Variants in AP1M1 observed in about 807,000 individuals in gnomAD.
The protein encoded by AP1M1 is AP-1 complex subunit mu-1.
Under a neutral mutation model 57.1 loss-of-function variants are expected in AP1M1, and 18 were observed. The observed-to-expected ratio is 0.32, with a 90% CI of 0.22 to 0.47. AP1M1 has a LOEUF of 0.47. AP1M1 is among the 20% of genes least tolerant of loss of function. The probability of loss-of-function intolerance (pLI) is 1.00; values close to 1 mark genes in which losing one functional copy is unlikely to be tolerated. For missense variants in AP1M1, 362 were observed against 593.5 expected (o/e 0.61, Z 4.05); for synonymous variants, 241 against 237.9 (o/e 1.01, Z -0.12).
At chr19:16,198,116 C>T in intron 1 of AP1M1, 48 bp downstream of exon 1, 1 of 1,587,836 alleles carries the variant, frequency 6.3e-7, no homozygotes, top group Middle Eastern at 2.1e-4. Flanking sequence ...CCGGCAGGGG[C>T]CTCCGCCCGC....
chr19:16,223,343 C>T (rs2091554311), intron 5 of AP1M1, among the ~76,000 whole-genome samples: 1 of 152,172 alleles, frequency 6.6e-6, no homozygotes, highest in South Asian at 2.1e-4. Flanking sequence ...CACAGATGCT[C>T]GATTCTAGAG....
In AP1M1 at chr19:16,207,176, G is replaced by A. The variant is rs2091472830; in HGVS notation, c.267+768G>A. ...GGGCTGTGGGGCTCACGAAAGTGGG[G>A]AACAGGACCCAGGAGGCCTGTGCTG... On this transcript the variant is annotated intron_variant, in intron 3 of 11. Transcript: ENST00000291439. This position sits in a 1 kb window ranked among gnomAD's most constrained non-coding sequence, Gnocchi z 4.2. 1.3e-5 allele frequency among the ~76,000 whole-genome samples: 2 copies of A among 152,200 alleles called. No individual in the cohort carries two copies. The highest frequency in any genetic ancestry group is 4.8e-5 in the African/African-American group (2 of 41,430).
chr19:16,208,230 G>C (rs2091478105), intron 4 of AP1M1, 81 bp downstream of exon 4: 2 of 1,457,990 alleles, frequency 1.4e-6, no homozygotes. Flanking sequence ...AAACAGAAGG[G>C]GCAAATTTGT....
chr19:16,233,638 C>T lies in AP1M1; in HGVS notation c.1173+20C>T, dbSNP rs777003658. 8 of 1,604,178 alleles carry T rather than the reference C, an allele frequency of 5.0e-6. No homozygotes were observed. The highest frequency in any genetic ancestry group is 1.7e-5 in the Admixed American group (1 of 58,620). ...ATCCAGGTACGTAAGGCCCAGGCGG[C>T]CGGGGCCCAGAACAGGGACAGAGGC... is the stretch of plus-strand genomic sequence containing the variant. On this transcript the variant is annotated intron_variant, in intron 10 of 11. Transcript: ENST00000291439.
At chr19:16,205,977 T>G (rs1324863096) in intron 2 of AP1M1, among the ~76,000 whole-genome samples, 1 of 152,120 alleles carries the variant, frequency 6.6e-6, no homozygotes, top group Non-Finnish European at 1.5e-5. Flanking sequence ...AGGTCAGCTT[T>G]GGAGGAGCAG....
In AP1M1 at chr19:16,203,440, TCTTC is replaced by T; in HGVS notation, c.43-13_43-10del. Reference sequence around the variant, plus strand: ...GAACTGAAAATGCAAGCATCTTTTCTCTTCCTTCCCCACCCCAGGTGCTCATCTG... The same window carrying T: ...GAACTGAAAATGCAAGCATCTTTTCTCTTCCCCACCCCAGGTGCTCATCTG... On this transcript the variant is annotated splice_polypyrimidine_tract_variant and intron_variant, in intron 1 of 11. Coordinates refer to ENST00000291439, the MANE Select transcript of AP1M1 (RefSeq NM_032493.4). This position sits in a 1 kb window ranked among gnomAD's most constrained non-coding sequence, Gnocchi z 4.6. 1 of 1,614,114 alleles carries T rather than the reference TCTTC, an allele frequency of 6.2e-7. No individual in the cohort carries two copies. Among genetic ancestry groups the T allele is most frequent in the African/African-American group, 1.3e-5 (1 of 75,034 alleles).
At position 16,197,958 on chromosome 19, in the gene AP1M1, C is replaced by G; in HGVS notation, c.-69C>G. 9.4e-7 allele frequency: 1 copy of G among 1,065,702 alleles called. No homozygotes were observed. The highest frequency in any genetic ancestry group is 1.2e-6 in the Non-Finnish European group (1 of 843,332). The allele number at this position is 1,065,702 out of a possible 1,614,324, so 66.0% of individuals were successfully genotyped here. A position where few individuals can be genotyped will look rare whatever the true frequency, so the allele number is the denominator to read the frequency against. On this transcript the variant is annotated 5_prime_UTR_variant, in exon 1 of 12. Coordinates refer to ENST00000291439, the MANE Select transcript of AP1M1 (RefSeq NM_032493.4). The stretch of plus-strand genomic sequence containing the variant: ...GGGCGGCGCCCGGCCTTGCTCAACG[C>G]CCAGCAGTCCCCACCGTCGCTGCCG...
intron 5 of AP1M1, among the ~76,000 whole-genome samples, chr19:16,220,943 T>G (rs1042698223): frequency 6.6e-6 from 1 of 152,228 alleles, no homozygotes; most frequent in Non-Finnish European, 1.5e-5. Flanking sequence ...TGATGTATTA[T>G]TGTCCTCTGG....
Position 16,228,302 on chromosome 19 carries a change from A to C in AP1M1, c.888+94A>C, listed in dbSNP as rs2145138002. ...GGGCTGGGGGTGCCGTAGGGCTGCC[A>C]TCCGTGCACCCTCACTGTGGCCTCA... On this transcript the variant is annotated intron_variant, in intron 8 of 11. Coordinates refer to ENST00000291439, the MANE Select transcript of AP1M1 (RefSeq NM_032493.4). The surrounding 1 kb of genome is among the most constrained non-coding windows in gnomAD (Gnocchi z 5.0). 2 of 1,279,530 alleles carry C rather than the reference A, an allele frequency of 1.6e-6. No individual in the cohort carries two copies. Among genetic ancestry groups the C allele is most frequent in the South Asian group, 2.5e-5 (2 of 81,076 alleles). 79.3% of individuals were successfully genotyped at this position (1,279,530 alleles called of 1,614,324 possible). A position where few individuals can be genotyped will look rare whatever the true frequency, so the allele number is the denominator to read the frequency against.
Position 16,244,878 on chromosome 19 carries a change from G to GTTTT in AP1M1, c.*10445_*10446insTTTT, listed in dbSNP as rs745760766. 8,951 of 57,590 alleles carry GTTTT rather than the reference G, an allele frequency of 0.16. 526 individuals are homozygous for GTTTT. The highest frequency in any genetic ancestry group is 0.54 in the East Asian group (1,658 of 3,060). 3.6% of individuals were successfully genotyped at this position (57,590 alleles called of 1,614,324 possible). On this transcript the variant is annotated 3_prime_UTR_variant, in exon 12 of 12. Transcript: ENST00000291439. ...TAAATAAATAACATGGATAAAATTTGTTGTTTGTTGTTGTTGTTGTTGTTG... is the reference window on the plus strand; with the variant it reads ...TAAATAAATAACATGGATAAAATTTGTTTTTTGTTTGTTGTTGTTGTTGTTGTTG...
chr19:16,206,399 G>T lies in AP1M1; in HGVS notation c.258G>T (p.Lys86Asn). ...CGCTGGTCTTTTCTTTCCTCTATAA[G>T]GTGGTGCAGGTGAGTCTCGCTCGGA... ...CVSLVFSFLY[K>N]VVQVFSEYFK... Residue 86 changes from lysine (K) to asparagine (N), a missense_variant, in exon 3 of 12, where the codon AAG (lysine) becomes AAT (asparagine). Around this residue, in one of 2 missense-constraint regions of AP1M1, gnomAD observed 337 missense variants for 511.1 expected, o/e 0.66. Transcript: ENST00000291439. This position sits in a 1 kb window ranked among gnomAD's most constrained non-coding sequence, Gnocchi z 4.3. 1 of 1,614,018 alleles carries T rather than the reference G, an allele frequency of 6.2e-7. No homozygotes were observed. The highest frequency in any genetic ancestry group is 8.5e-7 in the Non-Finnish European group (1 of 1,179,964).
At chr19:16,215,886 C>G (rs947455664) in intron 5 of AP1M1, among the ~76,000 whole-genome samples, 2 of 151,982 alleles carry the variant, frequency 1.3e-5, no homozygotes, top group Non-Finnish European at 2.9e-5. Context: ...TTTCTCTATT[C>G]TCATCTGACT....
At chr19:16,225,563 C>T (rs956827808) in intron 5 of AP1M1, among the ~76,000 whole-genome samples, 4 of 152,190 alleles carry the variant, frequency 2.6e-5, no homozygotes, top group Non-Finnish European at 4.4e-5. Flanking sequence ...ACCGTCGCCC[C>T]GGTGTGGATT....
In AP1M1 at chr19:16,243,245, TTTTTTTGTTTTTG is replaced by T. The variant is rs2091651517; in HGVS notation, c.*8816_*8828del. 1 of 111,088 alleles carries T rather than the reference TTTTTTTGTTTTTG, an allele frequency of 9.0e-6. No individual in the cohort carries two copies. The highest frequency in any genetic ancestry group is 3.2e-4 in the South Asian group (1 of 3,164). 6.9% of individuals were successfully genotyped at this position (111,088 alleles called of 1,614,324 possible). A position where few individuals can be genotyped will look rare whatever the true frequency, so the allele number is the denominator to read the frequency against. The stretch of plus-strand genomic sequence containing the variant: ...TAAAATATTTCCAAATATGAGAGGT[TTTTTTTGTTTTTG>T]TTTTTGTTTTTGTTTTTGTTTTTGT... On this transcript the variant is annotated 3_prime_UTR_variant, in exon 12 of 12. Coordinates refer to ENST00000291439, the MANE Select transcript of AP1M1 (RefSeq NM_032493.4).
At position 16,234,868 on chromosome 19, in the gene AP1M1, GT is replaced by G. The variant is rs2091618362; in HGVS notation, c.*436del. 4.0e-6 allele frequency: 1 copy of G among 248,444 alleles called. No homozygotes were observed. The highest frequency in any genetic ancestry group is 2.2e-5 in the African/African-American group (1 of 44,954). 15.4% of individuals were successfully genotyped at this position (248,444 alleles called of 1,614,324 possible). Reference sequence around the variant, plus strand: ...GTTGCCATTTTGTTGAACGTTATGGGTTTATGGGTGTTCCTGGAACTTGTCT... The same window carrying G: ...GTTGCCATTTTGTTGAACGTTATGGGTTATGGGTGTTCCTGGAACTTGTCT... On this transcript the variant is annotated 3_prime_UTR_variant, in exon 12 of 12. Transcript: ENST00000291439.
chr19:16,202,439 A>T (rs1022599541), intron 1 of AP1M1, among the ~76,000 whole-genome samples: 1 of 152,194 alleles, frequency 6.6e-6, no homozygotes, highest in African/African-American at 2.4e-5. Flanking sequence ...GTACAATTTG[A>T]TGAGCTCAGT....
At chr19:16,218,244 C>T (rs1359704778) in intron 5 of AP1M1, among the ~76,000 whole-genome samples, 1 of 152,240 alleles carries the variant, frequency 6.6e-6, no homozygotes, top group Non-Finnish European at 1.5e-5. Context: ...TTCTGTTTAT[C>T]ACCACCAGCT....
rs1366721851 is a variant in AP1M1 at position 16,203,304 on chromosome 19, G to A, written c.43-155G>A. ...CTCCAGGAATTCCCTGGGGGATGGA[G>A]ATCAGAACGGCCTCAAGTCCTGCTC... On this transcript the variant is annotated intron_variant, in intron 1 of 11. Transcript: ENST00000291439. This position sits in a 1 kb window ranked among gnomAD's most constrained non-coding sequence, Gnocchi z 4.6. Among the ~76,000 whole-genome samples, 2 of 152,234 alleles carry A rather than the reference G, an allele frequency of 1.3e-5. No homozygotes were observed. The highest frequency in any genetic ancestry group is 2.4e-5 in the African/African-American group (1 of 41,460).
chr19:16,197,975 T>TCGTTGCCGCCGCCACCGCCCTCGGC lies in AP1M1; in HGVS notation c.-50_-49insTTGCCGCCGCCACCGCCCTCGGCCG. 1 of 1,451,818 alleles carries TCGTTGCCGCCGCCACCGCCCTCGGC rather than the reference T, an allele frequency of 6.9e-7. No homozygotes were observed. Among genetic ancestry groups the TCGTTGCCGCCGCCACCGCCCTCGGC allele is most frequent in the African/African-American group, 1.5e-5 (1 of 64,672 alleles). The allele number at this position is 1,451,818 out of a possible 1,614,324, so 89.9% of individuals were successfully genotyped here. A position where few individuals can be genotyped will look rare whatever the true frequency, so the allele number is the denominator to read the frequency against. On this transcript the variant is annotated 5_prime_UTR_variant, in exon 1 of 12. Coordinates refer to ENST00000291439, the MANE Select transcript of AP1M1 (RefSeq NM_032493.4). ...GCTCAACGCCCAGCAGTCCCCACCG[T>TCGTTGCCGCCGCCACCGCCCTCGGC]CGCTGCCGCCGCCACCGCCCTCGGC...
Sources: allele counts gnomAD v4.1 joint callset (sites outside exome capture counted in the v4.1 genomes callset), GRCh38; gene constraint gnomAD v4.1.1; regional missense constraint gnomAD v4.1.1; non-coding constraint Gnocchi (gnomAD v3.1); transcripts MANE v1.5; gene names NCBI Gene and HGNC (gene_info 2026-07-23, HGNC 2026-07-21).